The following ERBB4 variants were observed in gnomAD, a reference collection of about 807,000 sequenced individuals.
ERBB4 encodes the protein receptor tyrosine-protein kinase erbB-4.
ERBB4 carries 42 observed loss-of-function variants against 158.0 expected under a neutral mutation model. The observed-to-expected ratio is 0.27, with a 90% CI of 0.21 to 0.34. ERBB4 has a LOEUF of 0.34. ERBB4 is among the 10% of genes least tolerant of loss of function. The pLI, the probability that ERBB4 is intolerant of heterozygous loss-of-function variation, is 1.00. For synonymous variants in ERBB4, 583 were observed against 558.7 expected (o/e 1.04, Z -0.61); for missense variants, 1,333 against 1,624.1 (o/e 0.82, Z 3.08).
chr2:211,490,247 G>A lies in ERBB4; in HGVS notation c.2488-59147C>T, dbSNP rs546915373. Among the ~76,000 whole-genome samples, 4 of 152,124 alleles carry A rather than the reference G, an allele frequency of 2.6e-5. No individual in the cohort carries two copies. In the South Asian group the frequency reaches 8.3e-4, roughly 32 times the overall value. On this transcript the variant is annotated intron_variant, in intron 20 of 27. Coordinates refer to ENST00000342788, the MANE Select transcript of ERBB4 (RefSeq NM_005235.3). ...CCCAGGGAAAATTCTTCTGAACTAT[G>A]TCTATGTATTATACGTCTATTCATT...
At chr2:211,544,374 A>G (rs896898522) in intron 20 of ERBB4, among the ~76,000 whole-genome samples, 2 of 152,068 alleles carry the variant, frequency 1.3e-5, no homozygotes, top group African/African-American at 4.8e-5. Flanking sequence ...CAAAAAATCA[A>G]TTAGGCATGG....
chr2:212,413,398 C>T (rs963932015), intron 1 of ERBB4, among the ~76,000 whole-genome samples: 2 of 152,038 alleles, frequency 1.3e-5, no homozygotes, highest in Non-Finnish European at 2.9e-5. Flanking sequence ...GCCACATATA[C>T]ACCTGGCTAT....
At chr2:211,514,869 A>G (rs748559332) in intron 20 of ERBB4, among the ~76,000 whole-genome samples, 4 of 152,164 alleles carry the variant, frequency 2.6e-5, no homozygotes, top group Non-Finnish European at 4.4e-5. Context: ...ATTGGTGCTC[A>G]AAAAGTTTCA....
chr2:211,945,792 G>A (rs1050015362), intron 3 of ERBB4, among the ~76,000 whole-genome samples: 5 of 151,976 alleles, frequency 3.3e-5, no homozygotes, highest in Admixed American at 6.6e-5. Context: ...ACTATTTAAA[G>A]ACTAATTCTC....
At chr2:211,392,595 CA>C (rs1559122578) in intron 25 of ERBB4, among the ~76,000 whole-genome samples, 42 of 144,394 alleles carry the variant, frequency 2.9e-4, no homozygotes, top group African/African-American at 9.2e-4. Flanking sequence ...CACACACACA[CA>C]CACACCCCAA....
intron 1 of ERBB4, among the ~76,000 whole-genome samples, chr2:212,490,147 C>T (rs1266671499): frequency 2.0e-5 from 3 of 151,748 alleles, no homozygotes; most frequent in Non-Finnish European, 4.4e-5. Context: ...TTTCTTGTCT[C>T]CTGGGTGTGG....
chr2:212,006,422 ATATAAT>A (rs1472385056), intron 2 of ERBB4, among the ~76,000 whole-genome samples: 6 of 152,146 alleles, frequency 3.9e-5, no homozygotes, highest in Non-Finnish European at 5.9e-5. Context: ...ATGTTCAAGC[ATATAAT>A]TATATTTCTA....
At chr2:212,336,001 A>T (rs1251030581) in intron 1 of ERBB4, among the ~76,000 whole-genome samples, 1 of 152,022 alleles carries the variant, frequency 6.6e-6, no homozygotes, top group Non-Finnish European at 1.5e-5. Context: ...CTAAATAAAC[A>T]TTTATTCAAT....
intron 2 of ERBB4, among the ~76,000 whole-genome samples, chr2:212,044,830 G>GA (rs1412324770): frequency 6.6e-6 from 1 of 151,972 alleles, no homozygotes; most frequent in African/African-American, 2.4e-5. Context: ...GATTGAAGCT[G>GA]AAAAAATATT....
intron 3 of ERBB4, among the ~76,000 whole-genome samples, chr2:211,921,379 G>A (rs938861698): frequency 2.6e-5 from 4 of 151,938 alleles, no homozygotes; most frequent in Admixed American, 6.6e-5. Flanking sequence ...CTGAATGTGG[G>A]GTTAGGATAA....
At chr2:212,439,580 T>C (rs1424046231) in intron 1 of ERBB4, among the ~76,000 whole-genome samples, 1 of 152,216 alleles carries the variant, frequency 6.6e-6, no homozygotes, top group Middle Eastern at 3.2e-3. Flanking sequence ...AACACTGTTC[T>C]CTATTGTTGA....
chr2:211,577,397 T>A (rs2067922129), intron 19 of ERBB4, among the ~76,000 whole-genome samples: 1 of 151,998 alleles, frequency 6.6e-6, no homozygotes, highest in Admixed American at 6.6e-5. Flanking sequence ...AAATAACAGA[T>A]AATCAAGTAC....
intron 1 of ERBB4, among the ~76,000 whole-genome samples, chr2:212,252,438 T>A (rs1465392980): frequency 6.6e-6 from 1 of 151,794 alleles, no homozygotes; most frequent in East Asian, 1.9e-4. Flanking sequence ...CAACGAAGAC[T>A]AAAACTAAAA....
At chr2:212,164,661 G>T (rs2081295486) in intron 1 of ERBB4, among the ~76,000 whole-genome samples, 1 of 150,028 alleles carries the variant, frequency 6.7e-6, no homozygotes, top group Admixed American at 6.7e-5. Context: ...TAGGTCTGAT[G>T]CAATTCCTCA....
At chr2:212,402,030 G>C (rs1302506683) in intron 1 of ERBB4, among the ~76,000 whole-genome samples, 1 of 152,006 alleles carries the variant, frequency 6.6e-6, no homozygotes, top group Non-Finnish European at 1.5e-5. Context: ...CCTCAGTTAT[G>C]AAAACTTACA....
chr2:212,218,054 T>C (rs980232413), intron 1 of ERBB4, among the ~76,000 whole-genome samples: 7 of 151,436 alleles, frequency 4.6e-5, no homozygotes, highest in African/African-American at 1.7e-4. Context: ...TGTGACATCA[T>C]GTGACATGAT....
chr2:211,666,994 A>C (rs1278359274), intron 14 of ERBB4, among the ~76,000 whole-genome samples: 2 of 152,096 alleles, frequency 1.3e-5, no homozygotes, highest in African/African-American at 4.8e-5. Context: ...TATATCCTAA[A>C]CCAGGAGTGT....
intron 20 of ERBB4, among the ~76,000 whole-genome samples, chr2:211,551,016 C>T (rs1312945754): frequency 6.6e-6 from 1 of 151,446 alleles, no homozygotes; most frequent in African/African-American, 2.4e-5. Context: ...TCACACAGCT[C>T]ACTGCAATCT....
intron 27 of ERBB4, 43 bp downstream of exon 27, chr2:211,386,810 G>A (rs2125317835): frequency 1.3e-5 from 20 of 1,595,972 alleles, no homozygotes; most frequent in Non-Finnish European, 1.7e-5. Context: ...CTTGATGGAA[G>A]TGAACTTCGA....
Sources: gnomAD v4.1 joint callset for allele counts (sites outside exome capture counted in the v4.1 genomes callset) on GRCh38, gnomAD v4.1.1 for gene constraint, MANE v1.5 for transcripts, NCBI Gene and HGNC (gene_info 2026-07-23, HGNC 2026-07-21) for gene names.